The following NETO2 variants were observed in gnomAD, a reference collection of about 807,000 sequenced individuals.
NETO2 encodes neuropilin and tolloid-like protein 2.
Under a neutral mutation model 62.5 loss-of-function variants are expected in NETO2, and 28 were observed. That is an observed-to-expected ratio of 0.45 (90% CI 0.33 to 0.61). NETO2 has a LOEUF of 0.61. Ranked by LOEUF, NETO2 falls within the 20% of genes least tolerant of loss-of-function variation. The pLI is 0.02. For synonymous variants in NETO2, 214 were observed against 219.1 expected, an observed-to-expected ratio of 0.98 and a Z score of 0.21; for missense variants, 548 against 643.2, an observed-to-expected ratio of 0.85 and a Z score of 1.60.
intron 6 of NETO2, among the ~76,000 whole-genome samples, chr16:47,112,976 T>G (rs147011916): frequency 6.6e-6 from 1 of 152,206 alleles, no homozygotes; most frequent in South Asian, 2.1e-4. Context: ...ATTATAGAAA[T>G]AAATCACTAT....
intron 7 of NETO2, among the ~76,000 whole-genome samples, chr16:47,092,456 C>T (rs1367617477): frequency 6.6e-6 from 1 of 152,124 alleles, no homozygotes; most frequent in Non-Finnish European, 1.5e-5. Context: ...TATTTCATAC[C>T]AAGCCTCTGA....
intron 7 of NETO2, among the ~76,000 whole-genome samples, chr16:47,090,594 C>T (rs1213294670): frequency 1.3e-5 from 2 of 151,916 alleles, no homozygotes; most frequent in African/African-American, 2.4e-5. Flanking sequence ...ATTTTGTGTC[C>T]CCCCCAATTT....
chr16:47,143,737 C>A lies in NETO2; in HGVS notation c.-125G>T, dbSNP rs1289262424. 4.4e-5 allele frequency: 51 copies of A among 1,163,662 alleles called. No individual in the cohort carries two copies. Among genetic ancestry groups the A allele is most frequent in the Non-Finnish European group, 5.4e-5 (50 of 933,002 alleles). The allele number at this position is 1,163,662 out of a possible 1,614,324, so 72.1% of individuals were successfully genotyped here. On this transcript the variant is annotated 5_prime_UTR_variant, in exon 1 of 9. Coordinates refer to ENST00000562435, the MANE Select transcript of NETO2 (RefSeq NM_018092.5). ...CATCGCCGGCCAGCAGCTGCCTCCC[C>A]GCTCCCCTGAGGAGAGCTCAGGTCC...
At chr16:47,093,401 G>A (rs1213552651) in intron 7 of NETO2, among the ~76,000 whole-genome samples, 2 of 152,178 alleles carry the variant, frequency 1.3e-5, no homozygotes, top group African/African-American at 4.8e-5. Flanking sequence ...CTGTTTGAAG[G>A]AACTTGGATA....
At chr16:47,114,692 C>T (rs1007810398) in intron 6 of NETO2, among the ~76,000 whole-genome samples, 3 of 151,756 alleles carry the variant, frequency 2.0e-5, no homozygotes, top group Admixed American at 1.3e-4. Flanking sequence ...CCTCGAGATC[C>T]GCCCGCCTCA....
chr16:47,083,884 T>A (rs1963126931), intron 8 of NETO2, 83 bp from the exon 9 acceptor site: 2 of 1,060,542 alleles, frequency 1.9e-6, no homozygotes, highest in Non-Finnish European at 1.4e-6. Context: ...TATTTTTAGG[T>A]AAAACAGAAT....
intron 6 of NETO2, among the ~76,000 whole-genome samples, chr16:47,113,556 G>T (rs1268314404): frequency 2.2e-5 from 3 of 138,938 alleles, no homozygotes; most frequent in African/African-American, 2.6e-5. Context: ...TTGAATAGAT[G>T]TTACTATATG....
At chr16:47,109,817 G>A in intron 6 of NETO2, 106 bp from the exon 7 acceptor site, 2 of 733,974 alleles carry the variant, frequency 2.7e-6, no homozygotes, top group South Asian at 1.9e-5. Context: ...ACAGCTGACA[G>A]AAAACCATAA....
intron 6 of NETO2, among the ~76,000 whole-genome samples, chr16:47,115,612 C>G (rs1963895058): frequency 6.7e-6 from 1 of 149,992 alleles, no homozygotes; most frequent in African/African-American, 2.5e-5. Flanking sequence ...ACTGCAGCCT[C>G]CGCCTCCTTG....
At chr16:47,140,820 G>A (rs1740532653) in intron 1 of NETO2, among the ~76,000 whole-genome samples, 1 of 152,184 alleles carries the variant, frequency 6.6e-6, no homozygotes, top group South Asian at 2.1e-4. Context: ...TTTAAATACA[G>A]TGCCAAGGAA....
At chr16:47,101,039 G>T (rs8048801) in intron 7 of NETO2, among the ~76,000 whole-genome samples, 2 of 152,104 alleles carry the variant, frequency 1.3e-5, no homozygotes, top group African/African-American at 4.8e-5. Context: ...GAACATCGAT[G>T]TGAAGATCCT....
intron 4 of NETO2, among the ~76,000 whole-genome samples, chr16:47,124,505 T>G (rs1964114212): frequency 6.6e-6 from 1 of 152,182 alleles, no homozygotes. Context: ...TAGACAAAAT[T>G]TATTTTATTA....
At chr16:47,125,535 G>A (rs35326657) in intron 4 of NETO2, among the ~76,000 whole-genome samples, 4,216 of 152,062 alleles carry the variant, frequency 0.028, 78 homozygotes, top group Non-Finnish European at 0.044. Flanking sequence ...TAGTAGAGAC[G>A]GGGTTTTGCC....
At chr16:47,117,818 G>T (rs1250255073) in intron 6 of NETO2, among the ~76,000 whole-genome samples, 1 of 152,112 alleles carries the variant, frequency 6.6e-6, no homozygotes, top group Non-Finnish European at 1.5e-5. Context: ...TGGGCAGGGT[G>T]GCTAATACCT....
intron 7 of NETO2, among the ~76,000 whole-genome samples, chr16:47,107,259 C>T (rs1215764237): frequency 6.6e-6 from 1 of 152,152 alleles, no homozygotes. Flanking sequence ...CTCCAAGTGT[C>T]CCTCTTGGGA....
intron 4 of NETO2, among the ~76,000 whole-genome samples, chr16:47,123,771 C>G (rs1456703267): frequency 6.6e-6 from 1 of 152,210 alleles, no homozygotes; most frequent in Non-Finnish European, 1.5e-5. Context: ...AATCTCGGCT[C>G]ACTGCAACCT....
At chr16:47,128,072 A>G (rs898432650) in intron 4 of NETO2, among the ~76,000 whole-genome samples, 2 of 152,238 alleles carry the variant, frequency 1.3e-5, no homozygotes, top group South Asian at 2.1e-4. Flanking sequence ...AGCATGTGCT[A>G]TAAGACAGAA....
Position 47,107,639 on chromosome 16 carries a change from C to T in NETO2, c.883+1844G>A, listed in dbSNP as rs181023955. Among the ~76,000 whole-genome samples, 706 of 152,264 alleles carry T rather than the reference C, an allele frequency of 4.6e-3. 1 individual carries two copies. The highest frequency in any genetic ancestry group is 7.4e-3 in the Non-Finnish European group (501 of 68,014). ...AAAACACTAGTTGAGCCTGGTTCATCCAGCATTGCCGTAAAGTAAGAAAAT... is the reference window on the plus strand; with the variant it reads ...AAAACACTAGTTGAGCCTGGTTCATTCAGCATTGCCGTAAAGTAAGAAAAT... On this transcript the variant is annotated intron_variant, in intron 7 of 8. Transcript: ENST00000562435.
intron 7 of NETO2, among the ~76,000 whole-genome samples, chr16:47,091,795 T>C (rs1222738111): frequency 2.0e-5 from 3 of 152,100 alleles, no homozygotes; most frequent in African/African-American, 7.2e-5. Flanking sequence ...GGGTGCTGAG[T>C]CTCTAATGGG....
Sources: allele counts gnomAD v4.1 joint callset (sites outside exome capture counted in the v4.1 genomes callset), GRCh38; gene constraint gnomAD v4.1.1; transcripts MANE v1.5; gene names NCBI Gene and HGNC (gene_info 2026-07-23, HGNC 2026-07-21).